Variants in SLC10A1 observed in about 807,000 individuals in gnomAD.
The protein encoded by SLC10A1 is hepatic sodium/bile acid cotransporter.
A neutral mutation model predicts 20.5 loss-of-function variants in SLC10A1; 36 were observed. That is an observed-to-expected ratio of 1.75 (90% CI 1.34 to 2.32). SLC10A1 has a LOEUF of 2.32. SLC10A1 is among the 30% of genes most tolerant of loss of function. The pLI is 0.00. For synonymous variants in SLC10A1, 188 were observed against 163.6 expected (o/e 1.15, Z -1.14); for missense variants, 545 against 439.1 (o/e 1.24, Z -2.16).
At chr14:69,794,930 T>G (rs1359216298) in intron 1 of SLC10A1, among the ~76,000 whole-genome samples, 6 of 152,192 alleles carry the variant, frequency 3.9e-5, no homozygotes, top group Non-Finnish European at 2.9e-5. Flanking sequence ...GCCTCAATAG[T>G]GGCCACTGGC....
chr14:69,794,772 C>T (rs1882353582), intron 1 of SLC10A1, among the ~76,000 whole-genome samples: 1 of 150,994 alleles, frequency 6.6e-6, no homozygotes, highest in Non-Finnish European at 1.5e-5. Flanking sequence ...GAGCTTATCT[C>T]TTGTGGGGGT....
chr14:69,788,885 A>G (rs1883783571), intron 1 of SLC10A1, among the ~76,000 whole-genome samples: 2 of 152,238 alleles, frequency 1.3e-5, no homozygotes, highest in South Asian at 2.1e-4. Context: ...ATAAAAAACA[A>G]GTAAAAAATG....
intron 4 of SLC10A1, among the ~76,000 whole-genome samples, chr14:69,777,848 T>A (rs956391267): frequency 2.0e-5 from 3 of 151,916 alleles, no homozygotes; most frequent in African/African-American, 7.3e-5. Context: ...TTTTTTTTTT[T>A]TCTTTATTCT....
intron 2 of SLC10A1, among the ~76,000 whole-genome samples, chr14:69,780,664 A>G (rs184448109): frequency 6.6e-6 from 1 of 152,342 alleles, no homozygotes; most frequent in Non-Finnish European, 1.5e-5. Flanking sequence ...AACTGATATG[A>G]TCATATAAAA....
intron 1 of SLC10A1, among the ~76,000 whole-genome samples, chr14:69,792,498 G>A (rs1282749489): frequency 6.6e-6 from 1 of 152,168 alleles, no homozygotes; most frequent in Non-Finnish European, 1.5e-5. Flanking sequence ...ACTGCGATCT[G>A]CTTCACTGTT....
At chr14:69,778,594 T>C in intron 3 of SLC10A1, 65 bp from the exon 4 acceptor site, 2 of 1,386,796 alleles carry the variant, frequency 1.4e-6, no homozygotes, top group Non-Finnish European at 2.0e-6. Context: ...TTTGTCCCAG[T>C]GCTGCTACCA....
At position 69,796,818 on chromosome 14, in the gene SLC10A1, T is replaced by G; in HGVS notation, c.338A>C (p.Lys113Thr). Residue 113 changes from lysine (K) to threonine (T), a missense_variant, in exon 1 of 5, where the codon AAG (lysine) becomes ACG (threonine). Coordinates refer to ENST00000216540, the MANE Select transcript of SLC10A1 (RefSeq NM_003049.4). ...NLSNVFSLAM[K>T]GDMNLSIVMT... ...GGCCTACCTGAGGTTCATGTCCCCC[T>G]TCATGGCCAGACTGAAGACATTGGA... is the stretch of plus-strand genomic sequence containing the variant. 1 of 1,613,948 alleles carries G rather than the reference T, an allele frequency of 6.2e-7. No homozygotes were observed. Among genetic ancestry groups the G allele is most frequent in the Non-Finnish European group, 8.5e-7 (1 of 1,179,930 alleles).
chr14:69,796,754 A>T (rs1247616362), intron 1 of SLC10A1, 46 bp downstream of exon 1: 1 of 1,465,594 alleles, frequency 6.8e-7, no homozygotes, highest in East Asian at 2.3e-5. Flanking sequence ...GACATATCTA[A>T]TGTAGCTCCT....
chr14:69,786,350 A>G, intron 1 of SLC10A1, 43 bp from the exon 2 acceptor site: 1 of 1,529,604 alleles, frequency 6.5e-7, no homozygotes, highest in South Asian at 1.1e-5. Flanking sequence ...GAGAGCCCAT[A>G]AATACAGACT....
At chr14:69,790,462 T>G (rs1298129211) in intron 1 of SLC10A1, among the ~76,000 whole-genome samples, 2 of 152,042 alleles carry the variant, frequency 1.3e-5, no homozygotes, top group Admixed American at 6.6e-5. Flanking sequence ...AATAAGTGTT[T>G]TAAAAAATAC....
chr14:69,795,120 T>C (rs1197936297), intron 1 of SLC10A1, among the ~76,000 whole-genome samples: 1 of 152,220 alleles, frequency 6.6e-6, no homozygotes, highest in Non-Finnish European at 1.5e-5. Context: ...ACACACAGGC[T>C]GCCATGAGCC....
chr14:69,791,836 C>G (rs1037179378), intron 1 of SLC10A1, among the ~76,000 whole-genome samples: 1 of 152,150 alleles, frequency 6.6e-6, no homozygotes, highest in African/African-American at 2.4e-5. Flanking sequence ...AAAATTAGTT[C>G]ATGCCATACA....
In SLC10A1 at chr14:69,775,565, T is replaced by C. The variant is rs1883427354; in HGVS notation, c.*717A>G. The C allele has an allele frequency of 6.6e-6, 1 of 152,234 alleles. No individual in the cohort carries two copies. Among genetic ancestry groups the C allele is most frequent in the South Asian group, 2.1e-4 (1 of 4,832 alleles). The allele number at this position is 152,234 out of a possible 1,614,324, so 9.4% of individuals were successfully genotyped here. A position where few individuals can be genotyped will look rare whatever the true frequency, so the allele number is the denominator to read the frequency against. On this transcript the variant is annotated 3_prime_UTR_variant, in exon 5 of 5. Coordinates refer to ENST00000216540, the MANE Select transcript of SLC10A1 (RefSeq NM_003049.4). Reference sequence around the variant, plus strand: ...GGGGGCGCCTTGTGTTAAAACCAAATACCTACTGAACTTAAAAAAGAGATT... The same window carrying C: ...GGGGGCGCCTTGTGTTAAAACCAAACACCTACTGAACTTAAAAAAGAGATT...
At chr14:69,789,676 G>T (rs1460638347) in intron 1 of SLC10A1, among the ~76,000 whole-genome samples, 2 of 152,186 alleles carry the variant, frequency 1.3e-5, no homozygotes, top group East Asian at 3.9e-4. Context: ...TTTAAAGAAT[G>T]GATTTTATGG....
At position 69,779,262 on chromosome 14, in the gene SLC10A1, C is replaced by G. The variant is rs200420675; in HGVS notation, c.666G>C (p.Leu222Phe). The change falls in exon 3 of 5, where the codon TTG becomes TTC. Residue 222 changes from leucine to phenylalanine, a missense_variant. Transcript: ENST00000216540. ...AAGGCATCAGGGAGGAGGTGGCAAT[C>G]AAGAGTGGTGTCATGGCAAACATGA... ...KSIMFAMTPL[L>F]IATSSLMPFI... The G allele has an allele frequency of 3.7e-6, 6 of 1,613,812 alleles. No individual in the cohort carries two copies. Among genetic ancestry groups the G allele is most frequent in the Admixed American group, 1.7e-5 (1 of 59,980 alleles).
intron 2 of SLC10A1, among the ~76,000 whole-genome samples, chr14:69,784,662 AG>A (rs1188752227): frequency 6.6e-6 from 1 of 152,164 alleles, no homozygotes; most frequent in African/African-American, 2.4e-5. Flanking sequence ...TGAAGATAGA[AG>A]ATATGTGAGT....
At position 69,775,583 on chromosome 14, in the gene SLC10A1, AAG is replaced by A. The variant is rs1883427991; in HGVS notation, c.*697_*698del. The A allele has an allele frequency of 3.3e-5, 5 of 152,334 alleles. No homozygotes were observed. Among genetic ancestry groups the A allele is most frequent in the African/African-American group, 7.2e-5 (3 of 41,580 alleles). 9.4% of individuals were successfully genotyped at this position (152,334 alleles called of 1,614,324 possible). On this transcript the variant is annotated 3_prime_UTR_variant, in exon 5 of 5. Coordinates refer to ENST00000216540, the MANE Select transcript of SLC10A1 (RefSeq NM_003049.4). ...AACCAAATACCTACTGAACTTAAAA[AAG>A]AGATTATTAGTGAGGTAACATTGTG...
chr14:69,785,528 A>G (rs1034701584), intron 2 of SLC10A1, among the ~76,000 whole-genome samples: 1 of 150,172 alleles, frequency 6.7e-6, no homozygotes, highest in African/African-American at 2.5e-5. Context: ...TTCTGCAAAT[A>G]CTTGCGTGTA....
intron 1 of SLC10A1, among the ~76,000 whole-genome samples, chr14:69,791,454 C>T (rs1365645827): frequency 1.3e-5 from 2 of 152,086 alleles, no homozygotes; most frequent in Middle Eastern, 3.2e-3. Flanking sequence ...GCGCCCGCCA[C>T]CACGCCCAGC....
Sources: allele counts gnomAD v4.1 joint callset (sites outside exome capture counted in the v4.1 genomes callset), GRCh38; gene constraint gnomAD v4.1.1; transcripts MANE v1.5; gene names NCBI Gene and HGNC (gene_info 2026-07-23, HGNC 2026-07-21).